The following SLC6A2 variants were observed in gnomAD, a reference collection of about 807,000 sequenced individuals.
The protein encoded by SLC6A2 is sodium-dependent noradrenaline transporter.
SLC6A2 carries 26 observed loss-of-function variants against 71.7 expected under a neutral mutation model. The ratio of observed to expected loss-of-function variants is 0.36; its 90% CI spans 0.27 to 0.50. SLC6A2 has a LOEUF of 0.50. Among genes scored for constraint, SLC6A2 ranks in the 20% least tolerant of loss-of-function variants. SLC6A2 has a pLI of 0.96. For synonymous variants in SLC6A2, 363 were observed against 337.9 expected, an observed-to-expected ratio of 1.07 and a Z score of -0.82; for missense variants, 581 against 803.9, an observed-to-expected ratio of 0.72 and a Z score of 3.35.
chr16:55,687,997 A>G (rs1235101077), intron 5 of SLC6A2, among the ~76,000 whole-genome samples: 2 of 152,242 alleles, frequency 1.3e-5, no homozygotes, highest in African/African-American at 4.8e-5. Context: ...TGCATGTGTC[A>G]TCCGAAACCA....
Position 55,698,031 on chromosome 16 carries a change from T to G in SLC6A2, c.1389+6T>G. On this transcript the variant is annotated splice_donor_region_variant and intron_variant, in intron 10 of 14. Transcript: ENST00000568943. ...CCCTGTTCTGCATAACCAAGGTGAG[T>G]AGGGGCTGGGCTCTGGGTCACCTGG... 1 of 1,613,944 alleles carries G rather than the reference T, an allele frequency of 6.2e-7. No homozygotes were observed.
At chr16:55,691,256 AGAGAGAGAG>A (rs1965617157) in intron 5 of SLC6A2, among the ~76,000 whole-genome samples, 1 of 143,762 alleles carries the variant, frequency 7.0e-6, no homozygotes, top group Non-Finnish European at 1.5e-5. Flanking sequence ...AGAGAGAGAG[AGAGAGAGAG>A]AGAGAGAGAG....
intron 6 of SLC6A2, among the ~76,000 whole-genome samples, chr16:55,693,320 A>C (rs536004345): frequency 6.6e-6 from 1 of 152,260 alleles, no homozygotes; most frequent in Non-Finnish European, 1.5e-5. Flanking sequence ...CAGTGAGCCA[A>C]GATCATGCCA....
At chr16:55,672,205 G>T (rs541119215) in intron 4 of SLC6A2, 30 bp downstream of exon 4, 5 of 1,614,196 alleles carry the variant, frequency 3.1e-6, no homozygotes, top group East Asian at 4.5e-5. Context: ...TGCTGGGCCT[G>T]TTGAGGCCAG....
intron 11 of SLC6A2, 85 bp downstream of exon 11, chr16:55,698,653 A>G (rs1965875539): frequency 1.1e-6 from 1 of 913,284 alleles, no homozygotes; most frequent in Non-Finnish European, 1.8e-6. Flanking sequence ...TTCCATTTCC[A>G]GGACAGCCAC....
rs543592665 is a variant in SLC6A2 at position 55,703,793 on chromosome 16, G to T, written c.*1447G>T. 27 of 985,388 alleles carry T rather than the reference G, an allele frequency of 2.7e-5. No individual in the cohort carries two copies. The South Asian group carries it at 1.2e-3, about 45-fold the overall frequency. The allele number at this position is 985,388 out of a possible 1,614,324, so 61.0% of individuals were successfully genotyped here. ...GCCGCTGCATTCGCACGTCAAGAAG[G>T]TGCTTTGCCTCAAATTGGGGTGTTG... On this transcript the variant is annotated 3_prime_UTR_variant, in exon 15 of 15. Transcript: ENST00000568943.
At chr16:55,661,298 A>G (rs1356404078) in intron 2 of SLC6A2, among the ~76,000 whole-genome samples, 1 of 152,192 alleles carries the variant, frequency 6.6e-6, no homozygotes, top group Non-Finnish European at 1.5e-5. Flanking sequence ...GTAGAGAAAT[A>G]TAGTCTTTAG....
intron 5 of SLC6A2, among the ~76,000 whole-genome samples, chr16:55,686,602 A>AG (rs1433355194): frequency 3.9e-5 from 6 of 152,098 alleles, no homozygotes; most frequent in African/African-American, 7.2e-5. Context: ...GATTTTGGAA[A>AG]GGGGGGGTGC....
rs1233214122 is a variant in SLC6A2 at position 55,656,598 on chromosome 16, G to C, written c.-51-46G>C. On this transcript the variant is annotated intron_variant, in intron 1 of 14. Coordinates refer to ENST00000568943, the MANE Select transcript of SLC6A2 (RefSeq NM_001172501.3). The surrounding 1 kb of genome is among the most constrained non-coding windows in gnomAD (Gnocchi z 4.5). ...CGGGTGGTCTTGGGAGTTGCAAGTA[G>C]GGAGGAACGGCCGGGTAACCACCTC... 17 of 1,512,698 alleles carry C rather than the reference G, an allele frequency of 1.1e-5. No individual in the cohort carries two copies. In the Admixed American group the frequency reaches 1.5e-4, roughly 13 times the overall value. The allele number at this position is 1,512,698 out of a possible 1,614,324, so 93.7% of individuals were successfully genotyped here.
chr16:55,705,548 G>A lies in SLC6A2; in HGVS notation c.*3202G>A, dbSNP rs1966083168. On this transcript the variant is annotated 3_prime_UTR_variant, in exon 15 of 15. Transcript: ENST00000568943. The stretch of plus-strand genomic sequence containing the variant: ...GACTTGGGTCTGCAGCTGACTAGCT[G>A]GGTGGCCTGGGGATAGTGGCTTCAT... 2.8e-6 allele frequency: 1 copy of A among 351,532 alleles called. No individual in the cohort carries two copies. Among genetic ancestry groups the A allele is most frequent in the Non-Finnish European group, 5.1e-6 (1 of 195,908 alleles). 21.8% of individuals were successfully genotyped at this position (351,532 alleles called of 1,614,324 possible). A position where few individuals can be genotyped will look rare whatever the true frequency, so the allele number is the denominator to read the frequency against.
At chr16:55,685,665 G>C (rs568597042) in intron 5 of SLC6A2, among the ~76,000 whole-genome samples, 2 of 152,158 alleles carry the variant, frequency 1.3e-5, no homozygotes, top group Non-Finnish European at 2.9e-5. Context: ...TGCAAATGTT[G>C]CATCCTACTC....
chr16:55,667,926 G>C lies in SLC6A2; in HGVS notation c.275-1639G>C, dbSNP rs550324628. Among the ~76,000 whole-genome samples the C allele has an allele frequency of 3.9e-5, 6 of 152,290 alleles. No individual in the cohort carries two copies. The South Asian group carries it at 1.0e-3, about 26-fold the overall frequency. On this transcript the variant is annotated intron_variant, in intron 2 of 14. Transcript: ENST00000568943. ...CTTATCAGCAGGATAAGGTCGGTCA[G>C]GTCATTTAATTTCTCCAACCCTCAG...
chr16:55,685,590 C>T (rs903348809), intron 5 of SLC6A2, among the ~76,000 whole-genome samples: 6 of 152,212 alleles, frequency 3.9e-5, no homozygotes, highest in South Asian at 2.1e-4. Flanking sequence ...AAGGGCCTCA[C>T]GACAAAGTCT....
In SLC6A2 at chr16:55,685,115, C is replaced by T. The variant is rs929673214; in HGVS notation, c.645-28C>T. The T allele has an allele frequency of 5.6e-6, 9 of 1,613,694 alleles. No individual in the cohort carries two copies. The East Asian group carries it at 1.8e-4, about 32-fold the overall frequency. On this transcript the variant is annotated intron_variant, in intron 4 of 14. Transcript: ENST00000568943. ...GTCGTCCTCCCTGACGACATTTACC[C>T]TGGTCCCCTCCCCTCTCCTCTGGGC...
At chr16:55,678,368 C>A (rs1487300807) in intron 4 of SLC6A2, among the ~76,000 whole-genome samples, 1 of 151,926 alleles carries the variant, frequency 6.6e-6, no homozygotes, top group Non-Finnish European at 1.5e-5. Flanking sequence ...TGAAAAACAT[C>A]CCCTCAACTC....
At chr16:55,679,213 G>C (rs1965190775) in intron 4 of SLC6A2, among the ~76,000 whole-genome samples, 1 of 151,302 alleles carries the variant, frequency 6.6e-6, no homozygotes, top group African/African-American at 2.4e-5. Context: ...ACATGCCTCT[G>C]GTTTTCTTTT....
chr16:55,698,108 T>G, intron 10 of SLC6A2, 83 bp downstream of exon 10: 1 of 1,466,240 alleles, frequency 6.8e-7, no homozygotes, highest in South Asian at 1.1e-5. Context: ...GCCTTAGAAC[T>G]GGGGCTGAGC....
At chr16:55,674,886 T>C (rs1220894351) in intron 4 of SLC6A2, among the ~76,000 whole-genome samples, 2 of 152,240 alleles carry the variant, frequency 1.3e-5, no homozygotes, top group Non-Finnish European at 2.9e-5. Context: ...GATTGCTGGG[T>C]CGAATGGTGG....
intron 2 of SLC6A2, among the ~76,000 whole-genome samples, chr16:55,662,834 C>T (rs998180928): frequency 2.6e-5 from 4 of 152,144 alleles, no homozygotes; most frequent in African/African-American, 7.2e-5. Flanking sequence ...GTTTCCAGGT[C>T]TTTCACTCAA....
Sources: allele counts gnomAD v4.1 joint callset (sites outside exome capture counted in the v4.1 genomes callset), GRCh38; gene constraint gnomAD v4.1.1; non-coding constraint Gnocchi (gnomAD v3.1); transcripts MANE v1.5; gene names NCBI Gene and HGNC (gene_info 2026-07-23, HGNC 2026-07-21).